GRIN2B: variants seen among roughly 807,000 people sequenced by gnomAD.
GRIN2B encodes the protein glutamate ionotropic receptor NMDA type subunit 2B, also known as glutamate receptor ionotropic, NMDA 2B.
GRIN2B carries 5 observed loss-of-function variants against 114.5 expected under a neutral mutation model. The ratio of observed to expected loss-of-function variants is 0.04; its 90% CI spans 0.02 to 0.09. The LOEUF (loss-of-function observed/expected upper bound fraction) is 0.09, where lower values mean the gene tolerates loss of function less well. Among genes scored for constraint, GRIN2B ranks in the 10% least tolerant of loss-of-function variants. The probability of loss-of-function intolerance (pLI) is 1.00; values close to 1 mark genes in which losing one functional copy is unlikely to be tolerated. For synonymous variants in GRIN2B, 787 were observed against 745.1 expected, an observed-to-expected ratio of 1.06 and a Z score of -0.92; for missense variants, 1,108 against 1,943.5, an observed-to-expected ratio of 0.57 and a Z score of 8.08.
intron 4 of GRIN2B, among the ~76,000 whole-genome samples, chr12:13,745,920 A>G (rs1243346433): frequency 6.6e-6 from 1 of 152,130 alleles, no homozygotes; most frequent in African/African-American, 2.4e-5. Flanking sequence ...TTAATCTGAC[A>G]AATATTTATC....
At chr12:13,621,883 A>G (rs993944767) in intron 5 of GRIN2B, among the ~76,000 whole-genome samples, 1 of 152,056 alleles carries the variant, frequency 6.6e-6, no homozygotes, top group African/African-American at 2.4e-5. Context: ...TGAAATTGGC[A>G]CCAATTAGCA....
At chr12:13,981,777 A>C (rs144749942), upstream of GRIN2B, 1 of 134,682 alleles carries the variant, frequency 7.4e-6, no homozygotes, top group Non-Finnish European at 1.6e-5. Context: ...GGAGGGGAGG[A>C]GGGGAGCGTC....
chr12:13,748,825 G>A (rs757082413), intron 4 of GRIN2B, among the ~76,000 whole-genome samples: 9 of 152,166 alleles, frequency 5.9e-5, no homozygotes, highest in Non-Finnish European at 1.3e-4. Flanking sequence ...AAAACTACAA[G>A]AGCCCCATGA....
intron 5 of GRIN2B, among the ~76,000 whole-genome samples, chr12:13,675,278 C>A (rs1326240031): frequency 6.6e-6 from 1 of 152,066 alleles, no homozygotes; most frequent in Admixed American, 6.6e-5. Flanking sequence ...GGTAGAATTT[C>A]AAACACTGTG....
intron 2 of GRIN2B, among the ~76,000 whole-genome samples, chr12:13,909,631 C>T (rs1386537301): frequency 1.2e-4 from 18 of 152,268 alleles, no homozygotes; most frequent in Admixed American, 9.2e-4. Context: ...AGCGGCCTGA[C>T]GGCTGACACT....
Position 13,545,136 on chromosome 12 carries a change from G to T in GRIN2B, c.*17647C>A, listed in dbSNP as rs1391043792. 1 of 152,176 alleles carries T rather than the reference G, an allele frequency of 6.6e-6. No individual in the cohort carries two copies. 9.4% of individuals were successfully genotyped at this position (152,176 alleles called of 1,614,324 possible). On this transcript the variant is annotated 3_prime_UTR_variant, in exon 14 of 14. Coordinates refer to ENST00000609686, the MANE Select transcript of GRIN2B (RefSeq NM_000834.5). ...GCCAAGCATTTGGTTTGACAGCAGG[G>T]CCTTTGCAATTGCTTTCTCTTTGCC... is the stretch of plus-strand genomic sequence containing the variant.
At chr12:13,928,247 G>A (rs1021756314) in intron 2 of GRIN2B, among the ~76,000 whole-genome samples, 2 of 150,128 alleles carry the variant, frequency 1.3e-5, no homozygotes, top group Non-Finnish European at 3.0e-5. Context: ...AGGTTGTGAT[G>A]AGCTGAGATT....
intron 8 of GRIN2B, among the ~76,000 whole-genome samples, chr12:13,614,299 G>A (rs1805531): frequency 0.094 from 14,251 of 152,264 alleles, 897 homozygotes; most frequent in Non-Finnish European, 0.15. Flanking sequence ...TTTAAAAAAT[G>A]TTGATGTGCC....
At chr12:13,944,878 G>C (rs532385159) in intron 2 of GRIN2B, among the ~76,000 whole-genome samples, 1 of 152,306 alleles carries the variant, frequency 6.6e-6, no homozygotes, top group Non-Finnish European at 1.5e-5. Flanking sequence ...GAAGTTCCCA[G>C]CTGAGAGGGA....
At chr12:13,760,173 A>G (rs1019397226) in intron 3 of GRIN2B, among the ~76,000 whole-genome samples, 2 of 147,428 alleles carry the variant, frequency 1.4e-5, no homozygotes, top group African/African-American at 5.0e-5. Flanking sequence ...GGACTACATG[A>G]TTACTTATTT....
At chr12:13,588,403 T>A (rs1805491) in intron 10 of GRIN2B, among the ~76,000 whole-genome samples, 98,938 of 152,086 alleles carry the variant, frequency 0.65, 35,397 homozygotes, top group East Asian at 0.82. Context: ...TTTTCTTTAA[T>A]AACTTAAGTG....
chr12:13,977,313 G>A (rs534217839), intron 2 of GRIN2B: 10 of 152,246 alleles, frequency 6.6e-5, no homozygotes, highest in African/African-American at 2.4e-4. Flanking sequence ...AGACAATCCA[G>A]TGGTACTCCC....
At chr12:13,895,267 G>A (rs1866334071) in intron 2 of GRIN2B, among the ~76,000 whole-genome samples, 1 of 152,128 alleles carries the variant, frequency 6.6e-6, no homozygotes, top group Admixed American at 6.6e-5. Flanking sequence ...AATTTATATT[G>A]CCACATTTAC....
intron 2 of GRIN2B, among the ~76,000 whole-genome samples, chr12:13,972,935 G>T (rs1204034941): frequency 6.6e-6 from 1 of 152,176 alleles, no homozygotes; most frequent in Admixed American, 6.5e-5. Flanking sequence ...CAGGTGTGTG[G>T]GGGGTGTGTG....
At chr12:13,871,470 A>T (rs578146281) in intron 2 of GRIN2B, among the ~76,000 whole-genome samples, 1 of 151,966 alleles carries the variant, frequency 6.6e-6, no homozygotes, top group Non-Finnish European at 1.5e-5. Context: ...ATAACAATAA[A>T]AATACTAAAT....
At chr12:13,736,788 G>C (rs1464630805) in intron 4 of GRIN2B, among the ~76,000 whole-genome samples, 1 of 152,046 alleles carries the variant, frequency 6.6e-6, no homozygotes, top group African/African-American at 2.4e-5. Flanking sequence ...GGGAGGCCAA[G>C]GCGGGTGGAT....
intron 3 of GRIN2B, among the ~76,000 whole-genome samples, chr12:13,854,886 A>T (rs1045989187): frequency 6.6e-6 from 1 of 151,994 alleles, no homozygotes; most frequent in Non-Finnish European, 1.5e-5. Context: ...TTTTCTAGGT[A>T]CTTTGAACAA....
At chr12:13,954,443 A>G (rs985966125) in intron 2 of GRIN2B, among the ~76,000 whole-genome samples, 4 of 152,186 alleles carry the variant, frequency 2.6e-5, no homozygotes, top group Admixed American at 6.5e-5. Flanking sequence ...TTTAGATAAA[A>G]GCAAGACAGC....
intron 5 of GRIN2B, among the ~76,000 whole-genome samples, chr12:13,665,629 C>T (rs895089430): frequency 6.6e-6 from 1 of 152,146 alleles, no homozygotes; most frequent in Non-Finnish European, 1.5e-5. Context: ...AATCATGTGA[C>T]CTCTGATCCT....
Sources: gnomAD v4.1 joint callset for allele counts (sites outside exome capture counted in the v4.1 genomes callset) on GRCh38, gnomAD v4.1.1 for gene constraint, MANE v1.5 for transcripts, NCBI Gene and HGNC (gene_info 2026-07-23, HGNC 2026-07-21) for gene names.